Variants in DLG1 observed in about 807,000 individuals in gnomAD.
The protein encoded by DLG1 is disks large homolog 1.
Under a neutral mutation model 123.4 loss-of-function variants are expected in DLG1, and 42 were observed. That is an observed-to-expected ratio of 0.34 (90% CI 0.27 to 0.44). The LOEUF is 0.44. Ranked by LOEUF, DLG1 falls within the 20% of genes least tolerant of loss-of-function variation. The probability of loss-of-function intolerance (pLI) is 1.00; values close to 1 mark genes in which losing one functional copy is unlikely to be tolerated. For missense variants in DLG1, 942 were observed against 1,082.6 expected (o/e 0.87, Z 1.82); for synonymous variants, 317 against 356.2 (o/e 0.89, Z 1.24).
chr3:197,169,848 T>C (rs1309607326), intron 5 of DLG1, among the ~76,000 whole-genome samples: 1 of 152,168 alleles, frequency 6.6e-6, no homozygotes, highest in African/African-American at 2.4e-5. Context: ...TACAGATTAT[T>C]TCATCACCCA....
At chr3:197,173,984 G>T (rs1362445234) in intron 5 of DLG1, among the ~76,000 whole-genome samples, 1 of 152,132 alleles carries the variant, frequency 6.6e-6, no homozygotes. Context: ...TTAGGAGGCT[G>T]GGGCATAAGA....
At chr3:197,184,268 C>G (rs906422227) in intron 5 of DLG1, 12 of 207,754 alleles carry the variant, frequency 5.8e-5, no homozygotes, top group Non-Finnish European at 8.5e-5. Flanking sequence ...TACCAAGTTT[C>G]AACCACAGTC....
At chr3:197,184,949 T>C (rs1037140600) in intron 5 of DLG1, among the ~76,000 whole-genome samples, 37 of 152,178 alleles carry the variant, frequency 2.4e-4, no homozygotes, top group South Asian at 8.3e-4. Context: ...CCCATCAAAA[T>C]GTTTACGGGC....
At chr3:197,112,959 G>A (rs1391213034) in intron 13 of DLG1, among the ~76,000 whole-genome samples, 1 of 152,038 alleles carries the variant, frequency 6.6e-6, no homozygotes, top group East Asian at 1.9e-4. Context: ...CCAAGGAACT[G>A]TTACCTACTC....
At chr3:197,215,051 A>G (rs1378753931) in intron 4 of DLG1, among the ~76,000 whole-genome samples, 1 of 152,260 alleles carries the variant, frequency 6.6e-6, no homozygotes, top group African/African-American at 2.4e-5. Context: ...TCAAAATATT[A>G]AATACATATA....
intron 6 of DLG1, among the ~76,000 whole-genome samples, chr3:197,145,495 C>G (rs756138131): frequency 1.4e-4 from 22 of 152,218 alleles, no homozygotes; most frequent in Non-Finnish European, 2.9e-4. Flanking sequence ...CCAAATCCCA[C>G]AACTGCTAGC....
At chr3:197,111,587 C>A (rs999401173) in intron 13 of DLG1, among the ~76,000 whole-genome samples, 11 of 152,110 alleles carry the variant, frequency 7.2e-5, no homozygotes, top group Non-Finnish European at 1.5e-4. Context: ...GAAATTTGAA[C>A]AGCTCAGCTG....
intron 4 of DLG1, among the ~76,000 whole-genome samples, chr3:197,248,601 A>C (rs1752898085): frequency 6.6e-6 from 1 of 152,238 alleles, no homozygotes; most frequent in Non-Finnish European, 1.5e-5. Context: ...AAAGGAAAGC[A>C]GGGGTTTTTA....
At chr3:197,167,204 G>C (rs1801881739) in intron 5 of DLG1, among the ~76,000 whole-genome samples, 1 of 151,976 alleles carries the variant, frequency 6.6e-6, no homozygotes, top group Non-Finnish European at 1.5e-5. Context: ...GAAGATAAGA[G>C]CATTTTCTTA....
rs1313719821 is a variant in DLG1, at chr3:197,043,488, GAAGA to G, written c.*1131_*1134del. On this transcript the variant is annotated 3_prime_UTR_variant, in exon 25 of 25. Coordinates refer to ENST00000667157, the MANE Select transcript of DLG1 (RefSeq NM_001366207.1). ...CCCATTTTCAGTTCACATGATTAAG[GAAGA>G]TAAGTCTATTCAATTAATATTTAAT... The G allele has an allele frequency of 9.7e-5, 1 of 10,292 alleles. No individual in the cohort carries two copies. Among genetic ancestry groups the G allele is most frequent in the African/African-American group, 3.8e-4 (1 of 2,608 alleles). The allele number at this position is 10,292 out of a possible 1,614,324, so 0.6% of individuals were successfully genotyped here.
chr3:197,202,206 G>A lies in DLG1; in HGVS notation c.319-7617C>T, dbSNP rs182964749. ...AGATGAGAAGAATTACAAAACGAGT[G>A]ATAACAATAAATGTAACTGTATTAT... On this transcript the variant is annotated intron_variant, in intron 4 of 24. Transcript: ENST00000667157. Among the ~76,000 whole-genome samples the A allele has an allele frequency of 2.2e-3, 339 of 152,266 alleles. 2 individuals are homozygous for A. The highest frequency in any genetic ancestry group is 7.7e-3 in the African/African-American group (319 of 41,556).
At chr3:197,291,660 G>T (rs1296373205) in intron 3 of DLG1, among the ~76,000 whole-genome samples, 1 of 152,204 alleles carries the variant, frequency 6.6e-6, no homozygotes, top group Non-Finnish European at 1.5e-5. Context: ...ATGGTTGACG[G>T]TGAGAAGTAT....
intron 4 of DLG1, among the ~76,000 whole-genome samples, chr3:197,210,585 C>T (rs1461613137): frequency 1.4e-5 from 2 of 143,198 alleles, no homozygotes; most frequent in Non-Finnish European, 3.1e-5. Flanking sequence ...CATATTCTGA[C>T]ACAATATAAA....
At chr3:197,054,674 T>C (rs1354655968) in intron 23 of DLG1, among the ~76,000 whole-genome samples, 2 of 152,300 alleles carry the variant, frequency 1.3e-5, no homozygotes, top group African/African-American at 4.8e-5. Context: ...AGACAAGGTC[T>C]CCCTCTGTTG....
At chr3:197,252,180 G>A (rs1754763110) in intron 4 of DLG1, among the ~76,000 whole-genome samples, 1 of 152,078 alleles carries the variant, frequency 6.6e-6, no homozygotes, top group African/African-American at 2.4e-5. Flanking sequence ...AATATGAAAG[G>A]GAGGAGATTT....
At chr3:197,285,208 G>A (rs964129701) in intron 3 of DLG1, among the ~76,000 whole-genome samples, 1 of 152,198 alleles carries the variant, frequency 6.6e-6, no homozygotes, top group East Asian at 1.9e-4. Flanking sequence ...ACTCTCAAAG[G>A]GGGTGAGGAA....
chr3:197,157,774 C>T (rs118116712), intron 5 of DLG1, among the ~76,000 whole-genome samples: 1 of 152,322 alleles, frequency 6.6e-6, no homozygotes, highest in East Asian at 1.9e-4. Context: ...CGGGCTAACA[C>T]TTCCTGATTC....
chr3:197,158,767 C>T (rs925453124), intron 5 of DLG1, among the ~76,000 whole-genome samples: 1 of 151,948 alleles, frequency 6.6e-6, no homozygotes, highest in African/African-American at 2.4e-5. Context: ...ACCTAGTAGG[C>T]CCCTAGAGGA....
chr3:197,107,804 C>CTT (rs542696810), intron 13 of DLG1, among the ~76,000 whole-genome samples: 22 of 139,450 alleles, frequency 1.6e-4, no homozygotes, highest in African/African-American at 3.4e-4. Context: ...TTCTGGTAGC[C>CTT]TTTTTTTTTT....
Sources: gnomAD v4.1 joint callset for allele counts (sites outside exome capture counted in the v4.1 genomes callset) on GRCh38, gnomAD v4.1.1 for gene constraint, MANE v1.5 for transcripts, NCBI Gene and HGNC (gene_info 2026-07-23, HGNC 2026-07-21) for gene names.